The following LRRC9 variants were observed in gnomAD, a reference collection of about 807,000 sequenced individuals.
The protein encoded by LRRC9 is leucine-rich repeat-containing protein 9.
A neutral mutation model predicts 63.2 loss-of-function variants in LRRC9; 122 were observed. That is an observed-to-expected ratio of 1.93 (90% confidence interval 1.67 to 2.24). The LOEUF is 2.24. Among genes scored for constraint, LRRC9 ranks in the 30% most tolerant of loss-of-function variants. The pLI is 0.00. For synonymous variants in LRRC9, 366 were observed against 213.1 expected, an observed-to-expected ratio of 1.72 and a Z score of -6.25; for missense variants, 1,071 against 627.7, an observed-to-expected ratio of 1.71 and a Z score of -7.55.
intron 1 of LRRC9, among the ~76,000 whole-genome samples, chr14:59,925,859 A>C (rs1235339884): frequency 6.6e-6 from 1 of 152,104 alleles, no homozygotes; most frequent in Non-Finnish European, 1.5e-5. Context: ...TTGAATTGTA[A>C]TAATCCCCAC....
At chr14:59,968,211 G>C (rs2140007896) in intron 12 of LRRC9, among the ~76,000 whole-genome samples, 1 of 152,316 alleles carries the variant, frequency 6.6e-6, no homozygotes, top group South Asian at 2.1e-4. Flanking sequence ...TGTATGTGAA[G>C]TACCTAGAAT....
Position 60,054,915 on chromosome 14 carries a change from T to C in LRRC9, c.4131+1710T>C, listed in dbSNP as rs377166170. Among the ~76,000 whole-genome samples the C allele has an allele frequency of 2.6e-5, 4 of 152,172 alleles. 1 individual carries two copies. The highest frequency in any genetic ancestry group is 3.9e-4 in the East Asian group (2 of 5,166). On this transcript the variant is annotated intron_variant, in intron 30 of 31. Transcript: ENST00000445360. ...TAGCTGGGACTACAGGCATGTGCCA[T>C]CATACCAGGCTAATTTTTGTATTTT...
chr14:59,988,201 T>C lies in LRRC9; in HGVS notation c.2211+2977T>C, dbSNP rs375884764. On this transcript the variant is annotated intron_variant, in intron 17 of 31. Coordinates refer to ENST00000445360, the Ensembl canonical transcript of LRRC9. The stretch of plus-strand genomic sequence containing the variant: ...TCTGTTGCAGACACAGTATCAGCCA[T>C]GTCTTCAAGAAACCTTAGTTTCTTT... 5.9e-5 allele frequency among the ~76,000 whole-genome samples: 9 copies of C among 152,306 alleles called. No homozygotes were observed. The East Asian group carries it at 1.5e-3, about 26-fold the overall frequency.
chr14:60,056,847 T>C (rs1185927496), intron 30 of LRRC9, among the ~76,000 whole-genome samples: 6 of 152,172 alleles, frequency 3.9e-5, no homozygotes, highest in African/African-American at 1.4e-4. Flanking sequence ...GTGTTTGTCT[T>C]TGTCTTAGTT....
chr14:59,923,730 G>A lies in LRRC9; in HGVS notation c.-34+3847G>A, dbSNP rs963019721. ...CTGAGGTGGGTGGATCACGAGGTCT[G>A]GAGATCAAGACCATCCTGGCTAACA... On this transcript the variant is annotated intron_variant, in intron 1 of 31. Coordinates refer to ENST00000445360, the Ensembl canonical transcript of LRRC9. The surrounding 1 kb of genome is among the most constrained non-coding windows in gnomAD (Gnocchi z 4.2). 1.3e-5 allele frequency among the ~76,000 whole-genome samples: 2 copies of A among 152,180 alleles called. No homozygotes were observed. The highest frequency in any genetic ancestry group is 2.4e-5 in the African/African-American group (1 of 41,442).
chr14:60,057,301 A>T (rs945247932), intron 30 of LRRC9, among the ~76,000 whole-genome samples: 10 of 152,180 alleles, frequency 6.6e-5, no homozygotes, highest in African/African-American at 2.4e-4. Flanking sequence ...TTCTTACAAA[A>T]GCCCCTTAAT....
chr14:59,975,125 ATGTATATATATATACATATATATATG>A (rs1886071307), intron 13 of LRRC9, among the ~76,000 whole-genome samples: 6 of 13,440 alleles, frequency 4.5e-4, no homozygotes, highest in Admixed American at 1.5e-3. Context: ...ATATATATAT[ATGTATATATATATACATATATATATG>A]TATATATATA....
chr14:59,975,111 ATGTATATATATATATG>A (rs1886043224), intron 13 of LRRC9, among the ~76,000 whole-genome samples: 3 of 31,708 alleles, frequency 9.5e-5, no homozygotes, highest in Admixed American at 4.5e-4. Context: ...ACATATATAT[ATGTATATATATATATG>A]TATATATATA....
chr14:59,994,327 G>C (rs1404162334), intron 17 of LRRC9, among the ~76,000 whole-genome samples: 1 of 152,312 alleles, frequency 6.6e-6, no homozygotes, highest in South Asian at 2.1e-4. Context: ...TCTCACACCA[G>C]TTAGAATGGC....
intron 8 of LRRC9, among the ~76,000 whole-genome samples, chr14:59,952,463 C>A (rs908162496): frequency 6.6e-6 from 1 of 152,158 alleles, no homozygotes; most frequent in South Asian, 2.1e-4. Context: ...CCGTCTTCTG[C>A]GTCGCTCACG....
rs1046172431 is a variant in LRRC9 at position 60,037,798 on chromosome 14, T to C, written c.3990+5735T>C. On this transcript the variant is annotated intron_variant, in intron 29 of 31. Transcript: ENST00000445360. ...AGATCCCATTTGTCAATTTTGGCTT[T>C]TGTTGCCATTGCTGTTGGTGTTTTA... is the stretch of plus-strand genomic sequence containing the variant. Among the ~76,000 whole-genome samples, 14 of 152,238 alleles carry C rather than the reference T, an allele frequency of 9.2e-5. 1 individual carries two copies. The highest frequency in any genetic ancestry group is 4.6e-4 in the Admixed American group (7 of 15,282).
At chr14:59,943,367 G>T (rs1024587024) in intron 7 of LRRC9, among the ~76,000 whole-genome samples, 4 of 151,630 alleles carry the variant, frequency 2.6e-5, no homozygotes, top group Admixed American at 2.6e-4. Context: ...TCTGTATGTG[G>T]ATATCCTGTT....
intron 29 of LRRC9, among the ~76,000 whole-genome samples, chr14:60,044,063 C>T (rs1056317985): frequency 1.3e-5 from 2 of 151,818 alleles, no homozygotes; most frequent in Middle Eastern, 3.4e-3. Flanking sequence ...AGACATTATC[C>T]ATGTCTTCTA....
In LRRC9 at chr14:59,966,386, G is replaced by A. The variant is rs1382339830; in HGVS notation, c.1212-203G>A. 6.6e-6 allele frequency among the ~76,000 whole-genome samples: 1 copy of A among 152,208 alleles called. No individual in the cohort carries two copies. Among genetic ancestry groups the A allele is most frequent in the Non-Finnish European group, 1.5e-5 (1 of 68,034 alleles). ...CTAAGAAAGTGTTTCAGAAAGTGAA[G>A]ATTGCTCAACCAACCTGTCTTCCAG... On this transcript the variant is annotated intron_variant, in intron 10 of 31. Coordinates refer to ENST00000445360, the Ensembl canonical transcript of LRRC9. The surrounding 1 kb of genome is among the most constrained non-coding windows in gnomAD (Gnocchi z 4.0).
At chr14:59,970,136 C>G (rs569569435) in intron 12 of LRRC9, among the ~76,000 whole-genome samples, 13 of 150,536 alleles carry the variant, frequency 8.6e-5, no homozygotes, top group Non-Finnish European at 1.8e-4. Context: ...TCCAGTAGGC[C>G]CCAGTATCTG....
Position 59,994,503 on chromosome 14 carries a change from A to G in LRRC9, c.2212-3153A>G, listed in dbSNP as rs531342636. On this transcript the variant is annotated intron_variant, in intron 17 of 31. Transcript: ENST00000445360. ...AAATACCATTTGACCCAGCCATCCC[A>G]TTACTGGGTATATACCCAAAGGATT... Among the ~76,000 whole-genome samples the G allele has an allele frequency of 7.5e-3, 1,140 of 152,320 alleles. 8 individuals are homozygous for G. The highest frequency in any genetic ancestry group is 0.015 in the Admixed American group (224 of 15,300).
intron 17 of LRRC9, among the ~76,000 whole-genome samples, chr14:59,996,030 G>A (rs970303893): frequency 5.3e-5 from 8 of 152,106 alleles, no homozygotes; most frequent in Non-Finnish European, 1.0e-4. Flanking sequence ...GTGAGCCACC[G>A]GGCCCGGGCA....
chr14:59,965,555 G>A (rs1884745190), intron 10 of LRRC9, among the ~76,000 whole-genome samples: 1 of 152,082 alleles, frequency 6.6e-6, no homozygotes, highest in Middle Eastern at 3.2e-3. Flanking sequence ...CATTCAGGAT[G>A]GATTTTAGAT....
At chr14:59,971,363 T>TG (rs1885480382) in intron 12 of LRRC9, among the ~76,000 whole-genome samples, 1 of 152,204 alleles carries the variant, frequency 6.6e-6, no homozygotes, top group East Asian at 1.9e-4. Flanking sequence ...TTGGATAGTT[T>TG]GATGCCTCCA....
Sources: gnomAD v4.1 joint callset for allele counts (sites outside exome capture counted in the v4.1 genomes callset) on GRCh38, gnomAD v4.1.1 for gene constraint, Gnocchi (gnomAD v3.1) non-coding constraint, MANE v1.5 for transcripts, NCBI Gene and HGNC (gene_info 2026-07-23, HGNC 2026-07-21) for gene names.